Variants in SLC13A3 observed in about 807,000 individuals in gnomAD.
SLC13A3 encodes solute carrier family 13 member 3, also known as Na(+)/dicarboxylate cotransporter 3.
Under a neutral mutation model 59.0 loss-of-function variants are expected in SLC13A3, and 40 were observed. The ratio of observed to expected loss-of-function variants is 0.68; its 90% CI spans 0.53 to 0.88. SLC13A3 has a LOEUF of 0.88. Ranked by LOEUF, SLC13A3 falls within the 40% of genes least tolerant of loss-of-function variation. The pLI is 0.00. For missense variants in SLC13A3, 699 were observed against 783.2 expected, an observed-to-expected ratio of 0.89 and a Z score of 1.28; for synonymous variants, 317 against 330.3, an observed-to-expected ratio of 0.96 and a Z score of 0.44.
At chr20:46,632,044 C>G (rs1344451769) in intron 1 of SLC13A3, among the ~76,000 whole-genome samples, 2 of 152,172 alleles carry the variant, frequency 1.3e-5, no homozygotes, top group Admixed American at 6.5e-5. Flanking sequence ...TGTCAGGGCA[C>G]TGGGCAGTGA....
chr20:46,664,163 G>T (rs2122918622), intron 1 of SLC13A3, among the ~76,000 whole-genome samples: 1 of 152,264 alleles, frequency 6.6e-6, no homozygotes, highest in Admixed American at 6.5e-5. Flanking sequence ...TGGGCATCAG[G>T]ATTTTTTTTA....
In SLC13A3 at chr20:46,558,505, G is replaced by T. The variant is rs560338317; in HGVS notation, c.*1517C>A. The stretch of plus-strand genomic sequence containing the variant: ...TGATTCATCTGGTTACAAATCCCAT[G>T]AGTTTCTCTTTGAATGAACCTCTTG... On this transcript the variant is annotated 3_prime_UTR_variant, in exon 13 of 13. Coordinates refer to ENST00000279027, the MANE Select transcript of SLC13A3 (RefSeq NM_022829.6). 6.6e-6 allele frequency: 1 copy of T among 152,228 alleles called. No individual in the cohort carries two copies. Among genetic ancestry groups the T allele is most frequent in the Non-Finnish European group, 1.5e-5 (1 of 68,048 alleles). The allele number at this position is 152,228 out of a possible 1,614,324, so 9.4% of individuals were successfully genotyped here. A position where few individuals can be genotyped will look rare whatever the true frequency, so the allele number is the denominator to read the frequency against.
intron 5 of SLC13A3, among the ~76,000 whole-genome samples, chr20:46,593,007 C>T (rs903658466): frequency 2.0e-5 from 3 of 152,216 alleles, no homozygotes; most frequent in African/African-American, 2.4e-5. Flanking sequence ...AACACATCTG[C>T]AGGCTGAAAC....
At chr20:46,592,028 G>A (rs918097568) in intron 6 of SLC13A3, among the ~76,000 whole-genome samples, 2 of 150,046 alleles carry the variant, frequency 1.3e-5, no homozygotes, top group Non-Finnish European at 2.9e-5. Flanking sequence ...GCAATATAGT[G>A]AGACTCTGTC....
chr20:46,594,406 A>G (rs2062289209), intron 5 of SLC13A3, among the ~76,000 whole-genome samples: 1 of 152,104 alleles, frequency 6.6e-6, no homozygotes, highest in Admixed American at 6.6e-5. Context: ...CTTTGACAAC[A>G]ACTGCTCCCC....
chr20:46,560,374 C>T (rs1312774429), intron 12 of SLC13A3, among the ~76,000 whole-genome samples, 176 bp from the exon 13 acceptor site: 1 of 152,168 alleles, frequency 6.6e-6, no homozygotes. Flanking sequence ...TTTACACTAC[C>T]CTAGGCTGTC....
intron 1 of SLC13A3, among the ~76,000 whole-genome samples, chr20:46,658,925 T>C (rs1450437617): frequency 2.0e-5 from 3 of 152,232 alleles, no homozygotes; most frequent in South Asian, 4.1e-4. Flanking sequence ...TTTATCACCA[T>C]AGATGCCCTT....
chr20:46,608,824 C>T, intron 3 of SLC13A3: 1 of 1,498,082 alleles, frequency 6.7e-7, no homozygotes, highest in Admixed American at 2.2e-5. Context: ...GTAAATGATC[C>T]AAAGCCACAG....
intron 1 of SLC13A3, among the ~76,000 whole-genome samples, chr20:46,679,779 G>T (rs1458435469): frequency 6.6e-6 from 1 of 152,112 alleles, no homozygotes; most frequent in Non-Finnish European, 1.5e-5. Context: ...GTGGTGGTGG[G>T]CACCTGTGAT....
At chr20:46,589,420 C>T (rs536135701) in intron 6 of SLC13A3, among the ~76,000 whole-genome samples, 165 bp from the exon 7 acceptor site, 116 of 152,336 alleles carry the variant, frequency 7.6e-4, no homozygotes, top group Middle Eastern at 3.4e-3. Context: ...TACAGTTGTT[C>T]TCCCCACGTA....
intron 1 of SLC13A3, among the ~76,000 whole-genome samples, chr20:46,615,390 G>T (rs967237111): frequency 1.3e-5 from 2 of 152,148 alleles, no homozygotes; most frequent in Admixed American, 1.3e-4. Flanking sequence ...ATCAGGTTAC[G>T]TGGGGGATGC....
chr20:46,579,123 C>T (rs563705285), intron 9 of SLC13A3, among the ~76,000 whole-genome samples: 39 of 151,964 alleles, frequency 2.6e-4, no homozygotes, highest in Non-Finnish European at 2.9e-5. Context: ...CTCTTTGTCT[C>T]TCTCTCCCCC....
At chr20:46,566,082 A>G (rs2061977248) in intron 11 of SLC13A3, 147 bp downstream of exon 11, 1 of 669,170 alleles carries the variant, frequency 1.5e-6, no homozygotes, top group Admixed American at 2.5e-5. Flanking sequence ...GTATTTAAAA[A>G]AATTGTACTG....
intron 1 of SLC13A3, among the ~76,000 whole-genome samples, chr20:46,619,843 G>C (rs1433391740): frequency 1.3e-5 from 2 of 152,116 alleles, no homozygotes; most frequent in Admixed American, 1.3e-4. Flanking sequence ...ACAGCACTCG[G>C]TTCACAGAAG....
At chr20:46,574,056 T>C (rs889688536) in intron 10 of SLC13A3, among the ~76,000 whole-genome samples, 8 of 152,234 alleles carry the variant, frequency 5.3e-5, no homozygotes, top group African/African-American at 1.7e-4. Context: ...ATCTCCTGGC[T>C]GTGCAAACGT....
In SLC13A3 at chr20:46,583,576, G is replaced by T; in HGVS notation, c.1215C>A (p.Phe405Leu). 4.3e-6 allele frequency: 7 copies of T among 1,613,572 alleles called. No individual in the cohort carries two copies. Among genetic ancestry groups the T allele is most frequent in the Non-Finnish European group, 5.1e-6 (6 of 1,179,898 alleles). The change falls in exon 9 of 13, where the codon TTC (phenylalanine) becomes TTA (leucine). Residue 405 changes from phenylalanine to leucine, a missense_variant. Coordinates refer to ENST00000279027, the MANE Select transcript of SLC13A3 (RefSeq NM_022829.6). ...CCCCAGCCTTGACCACCTTACCTTTGAAGTCAAACCACCACTTGAGAGAGG... is the reference window on the plus strand; with the variant it reads ...CCCCAGCCTTGACCACCTTACCTTTTAAGTCAAACCACCACTTGAGAGAGG... ...QRPSLKWWFD[F>L]KAPNTETEPL...
intron 10 of SLC13A3, among the ~76,000 whole-genome samples, chr20:46,571,067 A>G (rs2062024747): frequency 6.6e-6 from 1 of 152,198 alleles, no homozygotes; most frequent in South Asian, 2.1e-4. Context: ...GGTGGCAGCA[A>G]GAAGTGCCGA....
chr20:46,576,290 G>A (rs1023957657), intron 9 of SLC13A3, among the ~76,000 whole-genome samples: 2 of 152,076 alleles, frequency 1.3e-5, no homozygotes. Context: ...TAAACGTGTG[G>A]GCATGGTTGT....
At chr20:46,622,459 CT>C (rs759201309) in intron 1 of SLC13A3, among the ~76,000 whole-genome samples, 1 of 152,120 alleles carries the variant, frequency 6.6e-6, no homozygotes, top group Non-Finnish European at 1.5e-5. Flanking sequence ...ACAATAAAAG[CT>C]TTTGCAGATT....
Sources: gnomAD v4.1 joint callset for allele counts (sites outside exome capture counted in the v4.1 genomes callset) on GRCh38, gnomAD v4.1.1 for gene constraint, MANE v1.5 for transcripts, NCBI Gene and HGNC (gene_info 2026-07-23, HGNC 2026-07-21) for gene names.